ZNF710: variants seen among roughly 807,000 people sequenced by gnomAD.
ZNF710 encodes the protein zinc finger protein 710.
Under a neutral mutation model 50.6 loss-of-function variants are expected in ZNF710, and 13 were observed. The observed-to-expected ratio is 0.26, with a 90% CI of 0.17 to 0.41. ZNF710 has a LOEUF of 0.41. ZNF710 is among the 10% of genes least tolerant of loss of function. The probability of loss-of-function intolerance (pLI) is 1.00; values close to 1 mark genes in which losing one functional copy is unlikely to be tolerated. For synonymous variants in ZNF710, 383 were observed against 397.0 expected (o/e 0.96, Z 0.42); for missense variants, 721 against 936.6 (o/e 0.77, Z 3.01).
At chr15:90,024,509 G>A (rs912009932) in intron 1 of ZNF710, among the ~76,000 whole-genome samples, 12 of 152,216 alleles carry the variant, frequency 7.9e-5, no homozygotes, top group African/African-American at 2.9e-4. Context: ...GGAAGACCCC[G>A]GTGCAAGATG....
intron 1 of ZNF710, among the ~76,000 whole-genome samples, chr15:90,030,329 CA>C (rs10685083): frequency 0.011 from 547 of 50,468 alleles, 4 homozygotes; most frequent in African/African-American, 0.038. Context: ...AACTCCATCT[CA>C]AAAAAAAAAA....
At chr15:90,054,857 C>T (rs1294417871) in intron 1 of ZNF710, among the ~76,000 whole-genome samples, 1 of 152,138 alleles carries the variant, frequency 6.6e-6, no homozygotes, top group Non-Finnish European at 1.5e-5. Context: ...GCCTGCTGCC[C>T]CTCCCCCTCG....
chr15:90,046,060 C>G (rs1175621010), intron 1 of ZNF710, among the ~76,000 whole-genome samples: 1 of 152,078 alleles, frequency 6.6e-6, no homozygotes, highest in Non-Finnish European at 1.5e-5. Flanking sequence ...CCCAGGGGCC[C>G]CAGGAAAAGG....
intron 3 of ZNF710, among the ~76,000 whole-genome samples, chr15:90,073,696 A>G (rs2151536716): frequency 6.6e-6 from 1 of 152,180 alleles, no homozygotes; most frequent in South Asian, 2.1e-4. Context: ...TCCATAAAGA[A>G]CAGGATTCTG....
chr15:89,998,675 C>G (rs1200923438), upstream of ZNF710, among the ~76,000 whole-genome samples: 1 of 152,170 alleles, frequency 6.6e-6, no homozygotes, highest in Non-Finnish European at 1.5e-5. Flanking sequence ...GGGATTGGTG[C>G]TTATGTACCG....
intron 1 of ZNF710, among the ~76,000 whole-genome samples, chr15:90,036,782 C>T (rs951772939): frequency 3.3e-5 from 5 of 151,862 alleles, no homozygotes; most frequent in Non-Finnish European, 7.3e-5. Flanking sequence ...TGCATGGGAT[C>T]GTGTTACTTC....
intron 1 of ZNF710, among the ~76,000 whole-genome samples, chr15:90,007,116 AT>A (rs1054476290): frequency 1.1e-4 from 16 of 152,114 alleles, no homozygotes; most frequent in African/African-American, 3.6e-4. Context: ...GATCAGAATA[AT>A]TCCCTAAAAG....
At chr15:90,053,988 G>A (rs1483241787) in intron 1 of ZNF710, among the ~76,000 whole-genome samples, 1 of 152,198 alleles carries the variant, frequency 6.6e-6, no homozygotes, top group Non-Finnish European at 1.5e-5. Flanking sequence ...CTGATCTGGA[G>A]AAGCCCTGGC....
At chr15:90,012,158 T>G (rs1898322832) in intron 1 of ZNF710, among the ~76,000 whole-genome samples, 1 of 151,050 alleles carries the variant, frequency 6.6e-6, no homozygotes, top group South Asian at 2.1e-4. Flanking sequence ...TGAGCTGAGA[T>G]GGCGCTACTG....
At chr15:90,014,513 A>G (rs972938915) in intron 1 of ZNF710, among the ~76,000 whole-genome samples, 1 of 109,302 alleles carries the variant, frequency 9.1e-6, no homozygotes, top group African/African-American at 4.8e-5. Context: ...CCTATCTCTT[A>G]AAAAAAAAAA....
At position 90,040,438 on chromosome 15, in the gene ZNF710, G is replaced by A. The variant is rs1297021476; in HGVS notation, c.-28-26672G>A. ...CTTCCACCCAAATGTGTCACCTTGG[G>A]CAGCAGCTCCCTGAATTCTGTTCTT... On this transcript the variant is annotated intron_variant, in intron 1 of 4. Coordinates refer to ENST00000268154, the MANE Select transcript of ZNF710 (RefSeq NM_198526.4). The surrounding 1 kb of genome is among the most constrained non-coding windows in gnomAD (Gnocchi z 4.6). Among the ~76,000 whole-genome samples the A allele has an allele frequency of 2.6e-5, 4 of 151,518 alleles. No homozygotes were observed. Among genetic ancestry groups the A allele is most frequent in the African/African-American group, 9.7e-5 (4 of 41,212 alleles).
At chr15:90,003,888 G>C (rs879294704) in intron 1 of ZNF710, among the ~76,000 whole-genome samples, 1 of 152,092 alleles carries the variant, frequency 6.6e-6, no homozygotes, top group Non-Finnish European at 1.5e-5. Flanking sequence ...CATGAGGGCC[G>C]TGGGGATAGA....
At chr15:90,045,189 T>A (rs1197964902) in intron 1 of ZNF710, among the ~76,000 whole-genome samples, 1 of 152,148 alleles carries the variant, frequency 6.6e-6, no homozygotes, top group East Asian at 1.9e-4. Flanking sequence ...GGGCGGAGAC[T>A]GTTGTCTTCA....
At chr15:90,065,847 G>A (rs1900154473) in intron 1 of ZNF710, among the ~76,000 whole-genome samples, 1 of 152,144 alleles carries the variant, frequency 6.6e-6, no homozygotes, top group African/African-American at 2.4e-5. Context: ...GTTGAGACAG[G>A]AGTGAGCCAT....
At chr15:90,012,675 A>G (rs958777545) in intron 1 of ZNF710, among the ~76,000 whole-genome samples, 1 of 151,996 alleles carries the variant, frequency 6.6e-6, no homozygotes, top group African/African-American at 2.4e-5. Context: ...TAGGTCACTA[A>G]TTCTCTCTTT....
At chr15:90,015,804 T>G (rs1353065164) in intron 1 of ZNF710, among the ~76,000 whole-genome samples, 1 of 152,060 alleles carries the variant, frequency 6.6e-6, no homozygotes, top group African/African-American at 2.4e-5. Flanking sequence ...AGAGACAAGG[T>G]CTCACTATAT....
At chr15:90,013,645 T>A (rs1004273403) in intron 1 of ZNF710, among the ~76,000 whole-genome samples, 1 of 152,114 alleles carries the variant, frequency 6.6e-6, no homozygotes, top group Non-Finnish European at 1.5e-5. Context: ...ACCTTTTTTT[T>A]AAAACTCCAC....
chr15:90,038,500 C>G (rs1361718398), intron 1 of ZNF710, among the ~76,000 whole-genome samples: 2 of 152,156 alleles, frequency 1.3e-5, no homozygotes, highest in Non-Finnish European at 2.9e-5. Context: ...GGAGTGTGGA[C>G]TTCCCCATTT....
intron 1 of ZNF710, among the ~76,000 whole-genome samples, chr15:90,023,713 C>T (rs1291084237): frequency 1.3e-5 from 2 of 151,798 alleles, no homozygotes; most frequent in Non-Finnish European, 2.9e-5. Flanking sequence ...CAAAACAATG[C>T]TTGACCAGGC....
Sources: gnomAD v4.1 joint callset for allele counts (sites outside exome capture counted in the v4.1 genomes callset) on GRCh38, gnomAD v4.1.1 for gene constraint, Gnocchi (gnomAD v3.1) non-coding constraint, MANE v1.5 for transcripts, NCBI Gene and HGNC (gene_info 2026-07-23, HGNC 2026-07-21) for gene names.